FAM149B1: variants seen among roughly 807,000 people sequenced by gnomAD.
FAM149B1 encodes the protein family with sequence similarity 149 member B1.
FAM149B1 carries 56 observed loss-of-function variants against 75.3 expected under a neutral mutation model. The observed-to-expected ratio is 0.74, with a 90% confidence interval of 0.60 to 0.93. FAM149B1 has a LOEUF of 0.93. Among genes scored for constraint, FAM149B1 ranks in the 40% least tolerant of loss-of-function variants. The pLI, the probability that FAM149B1 is intolerant of heterozygous loss-of-function variation, is 0.00. For synonymous variants in FAM149B1, 259 were observed against 256.1 expected (o/e 1.01, Z -0.11); for missense variants, 639 against 708.4 (o/e 0.90, Z 1.11).
chr10:73,221,622 T>A (rs1042076247), intron 7 of FAM149B1, among the ~76,000 whole-genome samples: 2 of 152,192 alleles, frequency 1.3e-5, no homozygotes, highest in South Asian at 2.1e-4. Context: ...TTAATGTAGT[T>A]TTCCCCATGT....
chr10:73,184,102 G>A (rs2042464618), intron 3 of FAM149B1, among the ~76,000 whole-genome samples: 1 of 152,072 alleles, frequency 6.6e-6, no homozygotes, highest in Non-Finnish European at 1.5e-5. Context: ...ACACATCCCT[G>A]GCTGACCGTG....
At chr10:73,239,629 T>C (rs2043897922) in intron 13 of FAM149B1, among the ~76,000 whole-genome samples, 1 of 151,830 alleles carries the variant, frequency 6.6e-6, no homozygotes, top group Admixed American at 6.6e-5. Context: ...GTAAATTAAC[T>C]TCTCACTACT....
In FAM149B1 at chr10:73,207,882, G is replaced by A. The variant is rs537218952; in HGVS notation, c.543-737G>A. ...GATTTACAGGCTCATAGCTGGAAGG[G>A]ATGTGCCTTGTCTCAGAGGAGACGT... On this transcript the variant is annotated intron_variant, in intron 5 of 13. Coordinates refer to ENST00000242505, the MANE Select transcript of FAM149B1 (RefSeq NM_173348.2). Among the ~76,000 whole-genome samples the A allele has an allele frequency of 2.0e-5, 3 of 152,384 alleles. No individual in the cohort carries two copies. The South Asian group carries it at 6.2e-4, about 32-fold the overall frequency.
At chr10:73,213,856 A>G (rs2133373794) in intron 7 of FAM149B1, among the ~76,000 whole-genome samples, 1 of 152,294 alleles carries the variant, frequency 6.6e-6, no homozygotes, top group South Asian at 2.1e-4. Flanking sequence ...ATTCTGTGAA[A>G]AATGGCATTG....
At chr10:73,171,743 C>G (rs953955031) in intron 1 of FAM149B1, among the ~76,000 whole-genome samples, 5 of 151,866 alleles carry the variant, frequency 3.3e-5, no homozygotes, top group Non-Finnish European at 7.4e-5. Context: ...ATTCTTCTGC[C>G]TCAGCCTCCC....
At chr10:73,199,310 C>A (rs1036165679) in intron 5 of FAM149B1, among the ~76,000 whole-genome samples, 2 of 152,046 alleles carry the variant, frequency 1.3e-5, no homozygotes, top group Non-Finnish European at 2.9e-5. Context: ...CTCCGCCCCC[C>A]AGGTTCATGC....
At chr10:73,227,380 C>G (rs1456098009) in intron 7 of FAM149B1, among the ~76,000 whole-genome samples, 1 of 152,216 alleles carries the variant, frequency 6.6e-6, no homozygotes, top group Non-Finnish European at 1.5e-5. Flanking sequence ...CCACCATGCC[C>G]AGCCTGCTTG....
intron 7 of FAM149B1, among the ~76,000 whole-genome samples, chr10:73,212,431 C>T (rs1394213712): frequency 6.6e-6 from 1 of 152,120 alleles, no homozygotes; most frequent in Non-Finnish European, 1.5e-5. Context: ...CAGGTGTGCA[C>T]CATCACGCCC....
chr10:73,173,505 A>C (rs928529979), intron 1 of FAM149B1, among the ~76,000 whole-genome samples: 1 of 152,212 alleles, frequency 6.6e-6, no homozygotes, highest in Non-Finnish European at 1.5e-5. Context: ...TCTTGTCTCC[A>C]TCCCTGGCAA....
At chr10:73,190,793 A>T (rs2042664772) in intron 3 of FAM149B1, among the ~76,000 whole-genome samples, 1 of 150,324 alleles carries the variant, frequency 6.7e-6, no homozygotes, top group Non-Finnish European at 1.5e-5. Flanking sequence ...ATCATAGCTC[A>T]CTACAGCCTC....
At chr10:73,235,128 G>A (rs1015543742) in intron 11 of FAM149B1, 65 bp from the exon 12 acceptor site, 29 of 1,521,628 alleles carry the variant, frequency 1.9e-5, no homozygotes, top group Admixed American at 7.9e-5. Context: ...GGTCGATAGG[G>A]TTTTAACTAC....
intron 12 of FAM149B1, among the ~76,000 whole-genome samples, chr10:73,238,366 T>A (rs568305334): frequency 1.3e-4 from 20 of 152,294 alleles, no homozygotes; most frequent in Non-Finnish European, 2.5e-4. Context: ...AAAAAAAGAA[T>A]GCTAGCTGTC....
Position 73,168,244 on chromosome 10 carries a change from C to T in FAM149B1, c.-96C>T. On this transcript the variant is annotated 5_prime_UTR_variant, in exon 1 of 14. Coordinates refer to ENST00000242505, the MANE Select transcript of FAM149B1 (RefSeq NM_173348.2). ...CCGGTAGGTGGCGGGAGGGGCCGGG[C>T]CGGAGCCGGCGGGAGGGCCAGGCCC... 1 of 1,388,128 alleles carries T rather than the reference C, an allele frequency of 7.2e-7. No individual in the cohort carries two copies. Among genetic ancestry groups the T allele is most frequent in the Non-Finnish European group, 9.8e-7 (1 of 1,023,196 alleles). The allele number at this position is 1,388,128 out of a possible 1,614,324, so 86.0% of individuals were successfully genotyped here. A position where few individuals can be genotyped will look rare whatever the true frequency, so the allele number is the denominator to read the frequency against.
intron 2 of FAM149B1, among the ~76,000 whole-genome samples, chr10:73,177,185 CAG>C (rs1844005846): frequency 6.6e-6 from 1 of 152,014 alleles, no homozygotes; most frequent in Non-Finnish European, 1.5e-5. Context: ...GCCTGGGTGA[CAG>C]AGCGAGACCC....
intron 5 of FAM149B1, among the ~76,000 whole-genome samples, chr10:73,196,305 T>C (rs892349054): frequency 2.0e-5 from 3 of 151,862 alleles, no homozygotes; most frequent in African/African-American, 7.3e-5. Context: ...GTTGTGCTAC[T>C]GCTATTTTGC....
At chr10:73,205,426 A>G (rs1242944664) in intron 5 of FAM149B1, among the ~76,000 whole-genome samples, 1 of 152,152 alleles carries the variant, frequency 6.6e-6, no homozygotes, top group Non-Finnish European at 1.5e-5. Context: ...AGCTTCCTGC[A>G]GCCTCCCTCA....
chr10:73,221,702 G>A (rs1260201932), intron 7 of FAM149B1, among the ~76,000 whole-genome samples: 1 of 152,002 alleles, frequency 6.6e-6, no homozygotes, highest in Non-Finnish European at 1.5e-5. Context: ...AAAGCTTTCA[G>A]CCATTATTTC....
rs551480051 is a variant in FAM149B1 at position 73,208,626 on chromosome 10, A to G, written c.550A>G (p.Ile184Val). Residue 184 changes from isoleucine (I) to valine (V), a missense_variant, in exon 6 of 14, where the codon ATA becomes GTA. Transcript: ENST00000242505. ...SQERDSTIFG[I>V]RGKKLHFSSS... ...TCTTTTTTCCACTCCAAGATTTGGT[A>G]TAAGGGGAAAGAAGTTACATTTTTC... The G allele has an allele frequency of 5.5e-5, 84 of 1,519,224 alleles. No individual in the cohort carries two copies. The African/African-American group carries it at 1.1e-3, about 19-fold the overall frequency. The allele number at this position is 1,519,224 out of a possible 1,614,324, so 94.1% of individuals were successfully genotyped here.
At position 73,243,179 on chromosome 10, in the gene FAM149B1, C is replaced by A. The variant is rs1218956993; in HGVS notation, c.*2160C>A. On this transcript the variant is annotated 3_prime_UTR_variant, in exon 14 of 14. Coordinates refer to ENST00000242505, the MANE Select transcript of FAM149B1 (RefSeq NM_173348.2). ...CCCTCCACCCTCCCAAATGTCACCA[C>A]CAAGTTCCTTCAGGTGAGACCTCAC... 2 of 508,952 alleles carry A rather than the reference C, an allele frequency of 3.9e-6. No homozygotes were observed. Among genetic ancestry groups the A allele is most frequent in the Middle Eastern group, 5.4e-4 (1 of 1,850 alleles). The allele number at this position is 508,952 out of a possible 1,614,324, so 31.5% of individuals were successfully genotyped here. A position where few individuals can be genotyped will look rare whatever the true frequency, so the allele number is the denominator to read the frequency against.
Sources: allele counts gnomAD v4.1 joint callset (sites outside exome capture counted in the v4.1 genomes callset), GRCh38; gene constraint gnomAD v4.1.1; transcripts MANE v1.5; gene names NCBI Gene and HGNC (gene_info 2026-07-23, HGNC 2026-07-21).